The following DTNB variants were observed in gnomAD, a reference collection of about 807,000 sequenced individuals.
DTNB encodes dystrobrevin beta.
DTNB carries 63 observed loss-of-function variants against 90.7 expected under a neutral mutation model. That is an observed-to-expected ratio of 0.69 (90% CI 0.57 to 0.86). The LOEUF is 0.86. Ranked by LOEUF, DTNB falls within the 40% of genes least tolerant of loss-of-function variation. DTNB has a pLI of 0.00. For missense variants in DTNB, 744 were observed against 807.1 expected (o/e 0.92, Z 0.95); for synonymous variants, 277 against 286.7 (o/e 0.97, Z 0.34).
intron 19 of DTNB, among the ~76,000 whole-genome samples, chr2:25,381,877 C>T (rs138999296): frequency 5.3e-5 from 8 of 152,372 alleles, no homozygotes; most frequent in African/African-American, 1.7e-4. Flanking sequence ...ACTCCAAAGA[C>T]GACCCTGTCT....
At chr2:25,379,144 A>T in intron 20 of DTNB, 146 bp downstream of exon 20, 1 of 742,994 alleles carries the variant, frequency 1.3e-6, no homozygotes. Context: ...TGGGGTGGGC[A>T]AAGGGAAGGG....
At chr2:25,558,364 A>G (rs1256719456) in intron 8 of DTNB, 2 of 985,308 alleles carry the variant, frequency 2.0e-6, no homozygotes, top group East Asian at 1.1e-4. Flanking sequence ...CTTCCCACAC[A>G]TGGAAGCAGA....
At chr2:25,649,484 G>A (rs1185554558) in intron 2 of DTNB, among the ~76,000 whole-genome samples, 1 of 152,192 alleles carries the variant, frequency 6.6e-6, no homozygotes, top group Admixed American at 6.5e-5. Context: ...GGAGGTAGAG[G>A]TGGGAGGATC....
chr2:25,613,658 G>GAA (rs767938772), intron 4 of DTNB, among the ~76,000 whole-genome samples: 4 of 140,882 alleles, frequency 2.8e-5, no homozygotes, highest in South Asian at 2.3e-4. Flanking sequence ...TCAAATGTAG[G>GAA]AAAAAAAAAA....
intron 8 of DTNB, among the ~76,000 whole-genome samples, chr2:25,537,855 C>T (rs13423147): frequency 0.012 from 1,798 of 152,258 alleles, 46 homozygotes; most frequent in African/African-American, 0.041. Flanking sequence ...ACTACAGGTG[C>T]GGGACCCAGA....
chr2:25,426,093 T>C (rs1013139594), intron 15 of DTNB, among the ~76,000 whole-genome samples: 3 of 152,204 alleles, frequency 2.0e-5, no homozygotes, highest in African/African-American at 7.2e-5. Context: ...ACAGCTAATA[T>C]GCTATCTTAC....
At chr2:25,656,563 C>T (rs1475144536) in intron 1 of DTNB, among the ~76,000 whole-genome samples, 1 of 152,186 alleles carries the variant, frequency 6.6e-6, no homozygotes, top group Admixed American at 6.5e-5. Flanking sequence ...TCAAACCCTG[C>T]CATTTCCTTC....
intron 6 of DTNB, among the ~76,000 whole-genome samples, chr2:25,590,073 A>G (rs1021578915): frequency 3.9e-5 from 6 of 152,136 alleles, no homozygotes; most frequent in Non-Finnish European, 7.3e-5. Context: ...AGCTGCTTCC[A>G]CAGCTGGCAC....
chr2:25,607,345 A>G (rs1465726343), intron 4 of DTNB, 24 bp from the exon 5 acceptor site: 3 of 1,565,014 alleles, frequency 1.9e-6, no homozygotes, highest in Admixed American at 1.9e-5. Flanking sequence ...TATATTAGAA[A>G]TAATTGCTAT....
At chr2:25,657,998 C>A (rs1373063851) in intron 1 of DTNB, among the ~76,000 whole-genome samples, 1 of 151,892 alleles carries the variant, frequency 6.6e-6, no homozygotes, top group Non-Finnish European at 1.5e-5. Context: ...GGCTCACACC[C>A]GTAATCCCAG....
At chr2:25,464,146 T>G (rs1371453194) in intron 10 of DTNB, among the ~76,000 whole-genome samples, 2 of 152,230 alleles carry the variant, frequency 1.3e-5, no homozygotes, top group South Asian at 4.1e-4. Flanking sequence ...TGACCTCAGG[T>G]GATCTGCCCG....
chr2:25,588,860 A>G (rs993025285), intron 6 of DTNB, among the ~76,000 whole-genome samples: 5 of 152,226 alleles, frequency 3.3e-5, no homozygotes, highest in Non-Finnish European at 7.3e-5. Flanking sequence ...TAAGATATGA[A>G]AAAGTGTCTT....
chr2:25,387,224 G>A lies in DTNB; in HGVS notation c.1825+65C>T. On this transcript the variant is annotated intron_variant, in intron 18 of 20. Coordinates refer to ENST00000406818, the MANE Select transcript of DTNB (RefSeq NM_021907.5). This position sits in a 1 kb window ranked among gnomAD's most constrained non-coding sequence, Gnocchi z 4.5. ...GTGAGGTTCTGCCGGTGCTGGCAAG[G>A]AAGTGAGAAGGGCGCGGGCAAGGCA... The A allele has an allele frequency of 6.6e-7, 1 of 1,516,728 alleles. No individual in the cohort carries two copies. Among genetic ancestry groups the A allele is most frequent in the East Asian group, 2.3e-5 (1 of 43,834 alleles). The allele number at this position is 1,516,728 out of a possible 1,614,324, so 94.0% of individuals were successfully genotyped here. A position where few individuals can be genotyped will look rare whatever the true frequency, so the allele number is the denominator to read the frequency against.
At chr2:25,498,399 G>A (rs978574614) in intron 9 of DTNB, among the ~76,000 whole-genome samples, 1 of 152,052 alleles carries the variant, frequency 6.6e-6, no homozygotes, top group Non-Finnish European at 1.5e-5. Flanking sequence ...TTAGACTACT[G>A]AGCAGAAGAT....
chr2:25,600,831 T>C (rs1471982598), intron 5 of DTNB, among the ~76,000 whole-genome samples: 1 of 152,206 alleles, frequency 6.6e-6, no homozygotes, highest in East Asian at 1.9e-4. Context: ...AAAAGTATTA[T>C]TTCAGTTATA....
chr2:25,565,245 C>T (rs971253627), intron 8 of DTNB, among the ~76,000 whole-genome samples: 5 of 151,878 alleles, frequency 3.3e-5, no homozygotes, highest in South Asian at 2.1e-4. Flanking sequence ...GTGGGTTTTT[C>T]TTTCTTAAGA....
chr2:25,405,590 G>A (rs2044909547), intron 16 of DTNB, among the ~76,000 whole-genome samples: 5 of 151,684 alleles, frequency 3.3e-5, no homozygotes, highest in Non-Finnish European at 5.9e-5. Flanking sequence ...CACCAGTTTT[G>A]CTTTTTGTTT....
At chr2:25,562,563 T>C (rs2058425450) in intron 8 of DTNB, among the ~76,000 whole-genome samples, 1 of 152,266 alleles carries the variant, frequency 6.6e-6, no homozygotes, top group East Asian at 1.9e-4. Flanking sequence ...ATAAGGGTTC[T>C]GATTTTTCTA....
At chr2:25,478,349 C>T (rs1003315649) in intron 10 of DTNB, among the ~76,000 whole-genome samples, 5 of 152,094 alleles carry the variant, frequency 3.3e-5, no homozygotes, top group East Asian at 1.9e-4. Context: ...GCGAGAGCGT[C>T]GGCAGTTGTA....
Sources: allele counts gnomAD v4.1 joint callset (sites outside exome capture counted in the v4.1 genomes callset), GRCh38; gene constraint gnomAD v4.1.1; non-coding constraint Gnocchi (gnomAD v3.1); transcripts MANE v1.5; gene names NCBI Gene and HGNC (gene_info 2026-07-23, HGNC 2026-07-21).